DOT1L: variants seen among roughly 807,000 people sequenced by gnomAD.
The protein encoded by DOT1L is DOT1 like histone lysine methyltransferase.
Under a neutral mutation model 153.3 loss-of-function variants are expected in DOT1L, and 33 were observed. The observed-to-expected ratio is 0.22, with a 90% confidence interval of 0.16 to 0.29. The LOEUF (loss-of-function observed/expected upper bound fraction) is 0.29. Ranked by LOEUF, DOT1L falls within the 10% of genes least tolerant of loss-of-function variation. The probability of loss-of-function intolerance (pLI) is 1.00; values close to 1 mark genes in which losing one functional copy is unlikely to be tolerated. For synonymous variants in DOT1L, 1,135 were observed against 965.1 expected (o/e 1.18, Z -3.26); for missense variants, 1,847 against 2,119.9 (o/e 0.87, Z 2.53).
chr19:2,200,889 AT>A (rs1327304581), intron 8 of DOT1L, among the ~76,000 whole-genome samples: 1 of 134,536 alleles, frequency 7.4e-6, no homozygotes, highest in African/African-American at 2.9e-5. Context: ...TCCTCCCCGC[AT>A]TCTTCATCCT....
At chr19:2,227,608 T>C in intron 27 of DOT1L, 1 of 1,061,536 alleles carries the variant, frequency 9.4e-7, no homozygotes. Flanking sequence ...GAGCCGCTGC[T>C]TGTGCTTGGT....
chr19:2,220,742 C>T lies in DOT1L; in HGVS notation c.2806+520C>T. On this transcript the variant is annotated intron_variant, in intron 23 of 27. Transcript: ENST00000398665. This position sits in a 1 kb window ranked among gnomAD's most constrained non-coding sequence, Gnocchi z 4.5. The stretch of plus-strand genomic sequence containing the variant: ...GCAGGCCTGTCTGTTGTGGAAGCCG[C>T]AGAGACAGCATGTCAGCGGGCATGG... 2.8e-6 allele frequency: 1 copy of T among 352,126 alleles called. No homozygotes were observed. Among genetic ancestry groups the T allele is most frequent in the Middle Eastern group, 8.5e-4 (1 of 1,176 alleles). 21.8% of individuals were successfully genotyped at this position (352,126 alleles called of 1,614,324 possible).
chr19:2,169,814 C>T (rs916037837), intron 1 of DOT1L, among the ~76,000 whole-genome samples: 1 of 152,018 alleles, frequency 6.6e-6, no homozygotes, highest in East Asian at 1.9e-4. Context: ...TCCTTTAGCT[C>T]GACAGTGTGA....
At position 2,213,028 on chromosome 19, in the gene DOT1L, T is replaced by C. The variant is rs117449826; in HGVS notation, c.1558-511T>C. On this transcript the variant is annotated intron_variant, in intron 16 of 27. Coordinates refer to ENST00000398665, the MANE Select transcript of DOT1L (RefSeq NM_032482.3). ...GCTTACAGCGTGCTTTGAGCATATA[T>C]GCACATGCATTGCTCACTGTGTAGC... 1,307 of 153,510 alleles carry C rather than the reference T, an allele frequency of 8.5e-3. 10 individuals carry two copies. Among genetic ancestry groups the C allele is most frequent in the Middle Eastern group, 0.014 (4 of 294 alleles). 9.5% of individuals were successfully genotyped at this position (153,510 alleles called of 1,614,324 possible).
rs1026089410 is a variant in DOT1L at position 2,193,542 on chromosome 19, T to C, written c.494-147T>C. Reference sequence around the variant, plus strand: ...TCTCTGGGAAGGATCCTGAGTGACCTTGGAGCATCGGATATGTGTGGAGAC... The same window carrying C: ...TCTCTGGGAAGGATCCTGAGTGACCCTGGAGCATCGGATATGTGTGGAGAC... On this transcript the variant is annotated intron_variant, in intron 5 of 27. Transcript: ENST00000398665. The surrounding 1 kb of genome is among the most constrained non-coding windows in gnomAD (Gnocchi z 5.9). 3 of 666,516 alleles carry C rather than the reference T, an allele frequency of 4.5e-6. No homozygotes were observed. The highest frequency in any genetic ancestry group is 7.6e-6 in the Non-Finnish European group (3 of 393,272). The allele number at this position is 666,516 out of a possible 1,614,324, so 41.3% of individuals were successfully genotyped here.
chr19:2,172,265 C>T (rs1185357026), intron 1 of DOT1L, among the ~76,000 whole-genome samples: 1 of 151,786 alleles, frequency 6.6e-6, no homozygotes, highest in East Asian at 1.9e-4. Flanking sequence ...TCTCTGCTCA[C>T]TGCAAGCTCC....
At chr19:2,173,879 C>A (rs1159192485) in intron 1 of DOT1L, among the ~76,000 whole-genome samples, 1 of 152,214 alleles carries the variant, frequency 6.6e-6, no homozygotes, top group African/African-American at 2.4e-5. Flanking sequence ...TGTGGGTGGC[C>A]TCAGCCCTCC....
At chr19:2,173,073 A>G (rs1459401462) in intron 1 of DOT1L, among the ~76,000 whole-genome samples, 1 of 152,094 alleles carries the variant, frequency 6.6e-6, no homozygotes, top group Non-Finnish European at 1.5e-5. Context: ...CTAATTCCAG[A>G]ACGTTCTAAT....
rs550240927 is a variant in DOT1L at position 2,207,378 on chromosome 19, C to T, written c.857-196C>T. On this transcript the variant is annotated intron_variant, in intron 10 of 27. Transcript: ENST00000398665. This position sits in a 1 kb window ranked among gnomAD's most constrained non-coding sequence, Gnocchi z 4.5. The stretch of plus-strand genomic sequence containing the variant: ...GGCTGTTTTTCTGAGGTTGGAGGGG[C>T]CCAGGCCAGGTGGTGTTGAATGGTG... 3.9e-5 allele frequency among the ~76,000 whole-genome samples: 6 copies of T among 152,306 alleles called. No individual in the cohort carries two copies. Among genetic ancestry groups the T allele is most frequent in the African/African-American group, 1.4e-4 (6 of 41,558 alleles).
rs772047684 is a variant in DOT1L at position 2,210,775 on chromosome 19, G to A, written c.1271G>A (p.Arg424Gln). Reference sequence around the variant, plus strand: ...AAGATGAACACTGCGAACCCCGAGCGGAAGCCCAAGAAGAACCAAACTGCA... The same window carrying A: ...AAGATGAACACTGCGAACCCCGAGCAGAAGCCCAAGAAGAACCAAACTGCA... ...PKKMNTANPERKPKKNQTALD... is the reference protein window; with the variant it reads ...PKKMNTANPEQKPKKNQTALD... The change falls in exon 14 of 28, where the codon CGG becomes CAG. Residue 424 changes from arginine (R) to glutamine (Q), a missense_variant. Physicochemically the swap from Arg to Gln is conservative, Grantham distance 43 (BLOSUM62 1). This residue lies in a region of DOT1L where 205 missense variants were observed against 203.1 expected (regional missense o/e 1.01). Coordinates refer to ENST00000398665, the MANE Select transcript of DOT1L (RefSeq NM_032482.3). 18 of 1,612,948 alleles carry A rather than the reference G, an allele frequency of 1.1e-5. No individual in the cohort carries two copies. The highest frequency in any genetic ancestry group is 4.5e-5 in the East Asian group (2 of 44,862).
rs778393601 is a variant in DOT1L, at chr19:2,226,976, C to G, written c.4455C>G (p.Leu1485=). The part of the protein sequence containing the change: ...ALGPMSLQAN[L]GSVAGSSVLQ... Reference sequence around the variant, plus strand: ...GCCCCATGTCCCTGCAGGCCAACCTCGGCTCCGTGGCCGGCTCCTCCGTGC... The same window carrying G: ...GCCCCATGTCCCTGCAGGCCAACCTGGGCTCCGTGGCCGGCTCCTCCGTGC... The change falls in exon 27 of 28, where the codon CTC becomes CTG. Residue 1485 remains leucine (L), a synonymous_variant. Coordinates refer to ENST00000398665, the MANE Select transcript of DOT1L (RefSeq NM_032482.3). The G allele has an allele frequency of 6.3e-7, 1 of 1,591,850 alleles. No individual in the cohort carries two copies. Among genetic ancestry groups the G allele is most frequent in the Non-Finnish European group, 8.5e-7 (1 of 1,176,706 alleles).
At position 2,227,031 on chromosome 19, in the gene DOT1L, G is replaced by A. The variant is rs768112599; in HGVS notation, c.4510G>A (p.Ala1504Thr). Residue 1504 changes from alanine to threonine, a missense_variant, in exon 27 of 28, where the codon GCC becomes ACC. Physicochemically the swap from Ala to Thr is moderately conservative, Grantham distance 58. Transcript: ENST00000398665. ...LQSLFSSVPA[A>T]AGLVHVSSAA... is the part of the protein sequence containing the mutation. ...GTCGCTGTTCAGCTCTGTGCCGGCC[G>A]CCGCAGGCCTGGTGCACGTGTCGTC... The A allele has an allele frequency of 2.2e-5, 35 of 1,582,410 alleles. No homozygotes were observed. Among genetic ancestry groups the A allele is most frequent in the Non-Finnish European group, 2.7e-5 (32 of 1,170,832 alleles).
intron 22 of DOT1L, 121 bp downstream of exon 22, chr19:2,218,039 C>A: frequency 1.4e-6 from 2 of 1,399,504 alleles, no homozygotes; most frequent in Non-Finnish European, 1.9e-6. Context: ...TGAGGCAATG[C>A]AGTCAAGGTG....
chr19:2,227,498 G>C, intron 27 of DOT1L: 1 of 531,782 alleles, frequency 1.9e-6, no homozygotes, highest in Non-Finnish European at 3.6e-6. Context: ...TGCCTGCCCA[G>C]ACAGGGCGGA....
chr19:2,230,533 CT>C lies in DOT1L; in HGVS notation c.*745del. 2.5e-6 allele frequency: 1 copy of C among 398,764 alleles called. No individual in the cohort carries two copies. The highest frequency in any genetic ancestry group is 4.4e-6 in the Non-Finnish European group (1 of 226,116). 24.7% of individuals were successfully genotyped at this position (398,764 alleles called of 1,614,324 possible). ...CGGGCACGTTGAACAAGTGCATTTA[CT>C]TTTGTATTTCTCGGCTGTCCATGGC... On this transcript the variant is annotated 3_prime_UTR_variant, in exon 28 of 28. Transcript: ENST00000398665.
At chr19:2,225,615 C>T (rs980616680) in intron 26 of DOT1L, among the ~76,000 whole-genome samples, 163 bp downstream of exon 26, 12 of 152,012 alleles carry the variant, frequency 7.9e-5, no homozygotes, top group Non-Finnish European at 1.8e-4. Context: ...TCGTGTCCTG[C>T]GTGGGCGCCG....
intron 27 of DOT1L, chr19:2,229,323 T>G: frequency 5.1e-6 from 5 of 985,408 alleles, no homozygotes; most frequent in Non-Finnish European, 6.0e-6. Context: ...GCCCCTGGCC[T>G]TCTGCCTCAG....
In DOT1L at chr19:2,190,634, C is replaced by T. The variant is rs1024253709; in HGVS notation, c.265-378C>T. On this transcript the variant is annotated intron_variant, in intron 4 of 27. Coordinates refer to ENST00000398665, the MANE Select transcript of DOT1L (RefSeq NM_032482.3). The surrounding 1 kb of genome is among the most constrained non-coding windows in gnomAD (Gnocchi z 4.8). ...AGGTGTGGTAGGCTCAGGGCTTTCA[C>T]GGGGCTCGTGGCACCTGACGGGGGT... is the stretch of plus-strand genomic sequence containing the variant. Among the ~76,000 whole-genome samples, 2 of 152,074 alleles carry T rather than the reference C, an allele frequency of 1.3e-5. No individual in the cohort carries two copies. The highest frequency in any genetic ancestry group is 1.9e-4 in the East Asian group (1 of 5,164).
In DOT1L at chr19:2,226,682, G is replaced by T; in HGVS notation, c.4161G>T (p.Lys1387Asn). ...AGLKGEGSRGKEAGEGGLPLC... is the reference protein window; with the variant it reads ...AGLKGEGSRGNEAGEGGLPLC... The stretch of plus-strand genomic sequence containing the variant: ...TGAAGGGCGAGGGCAGCCGCGGCAA[G>T]GAGGCAGGGGAGGGCGGCCTACCGC... The change falls in exon 27 of 28, where the codon AAG becomes AAT. Residue 1387 changes from lysine to asparagine, a missense_variant. Physicochemically the swap from Lys to Asn is moderately conservative, Grantham distance 94. Transcript: ENST00000398665. The T allele has an allele frequency of 6.4e-7, 1 of 1,573,536 alleles. No individual in the cohort carries two copies. Among genetic ancestry groups the T allele is most frequent in the African/African-American group, 1.3e-5 (1 of 74,420 alleles).
Sources: gnomAD v4.1 joint callset for allele counts (sites outside exome capture counted in the v4.1 genomes callset) on GRCh38, gnomAD v4.1.1 for gene constraint, gnomAD v4.1.1 regional missense constraint, Gnocchi (gnomAD v3.1) non-coding constraint, MANE v1.5 for transcripts, NCBI Gene and HGNC (gene_info 2026-07-23, HGNC 2026-07-21) for gene names.